Variants in MFHAS1 observed in about 807,000 individuals in gnomAD.
MFHAS1 encodes the protein multifunctional ROCO family signaling regulator 1.
A neutral mutation model predicts 70.4 loss-of-function variants in MFHAS1; 50 were observed. The observed-to-expected ratio is 0.71, with a 90% CI of 0.57 to 0.90. The LOEUF is 0.90. Among genes scored for constraint, MFHAS1 ranks in the 40% least tolerant of loss-of-function variants. MFHAS1 has a pLI of 0.00. For synonymous variants in MFHAS1, 952 were observed against 620.0 expected (o/e 1.54, Z -7.96); for missense variants, 1,795 against 1,347.6 (o/e 1.33, Z -5.20).
intron 1 of MFHAS1, among the ~76,000 whole-genome samples, chr8:8,818,640 A>G (rs116866654): frequency 2.6e-5 from 4 of 152,296 alleles, no homozygotes; most frequent in Admixed American, 6.5e-5. Flanking sequence ...AACTGACTTA[A>G]CCCTAGGCTT....
intron 1 of MFHAS1, among the ~76,000 whole-genome samples, chr8:8,884,873 AG>A (rs1809691656): frequency 6.6e-6 from 1 of 152,070 alleles, no homozygotes; most frequent in African/African-American, 2.4e-5. Context: ...TCATCACCTG[AG>A]CCCAAGAGGT....
intron 2 of MFHAS1, among the ~76,000 whole-genome samples, chr8:8,793,165 T>C (rs10103163): frequency 0.31 from 47,277 of 151,202 alleles, 8,381 homozygotes; most frequent in African/African-American, 0.47. Context: ...GAGTAAATCA[T>C]GTTGTTAAAA....
chr8:8,835,999 C>T (rs750100472), intron 1 of MFHAS1, among the ~76,000 whole-genome samples: 2 of 152,170 alleles, frequency 1.3e-5, no homozygotes, highest in Non-Finnish European at 2.9e-5. Context: ...CTATAGCCTG[C>T]GAAGCGAGAA....
At chr8:8,789,139 G>C (rs1348818249) in intron 2 of MFHAS1, among the ~76,000 whole-genome samples, 1 of 152,038 alleles carries the variant, frequency 6.6e-6, no homozygotes, top group Non-Finnish European at 1.5e-5. Context: ...TGGTGGCTGG[G>C]GGGGTTGGGC....
intron 1 of MFHAS1, among the ~76,000 whole-genome samples, chr8:8,857,972 G>A (rs1563206965): frequency 1.3e-5 from 2 of 152,124 alleles, no homozygotes; most frequent in African/African-American, 4.8e-5. Flanking sequence ...CTAAACAAAT[G>A]AGAAAATCCA....
chr8:8,786,868 A>G (rs1000942450), intron 2 of MFHAS1, among the ~76,000 whole-genome samples: 4 of 152,104 alleles, frequency 2.6e-5, no homozygotes, highest in Non-Finnish European at 5.9e-5. Context: ...TCCAGTCCAT[A>G]CAAGATTCAG....
At chr8:8,805,136 G>A (rs960946875) in intron 1 of MFHAS1, among the ~76,000 whole-genome samples, 3 of 152,178 alleles carry the variant, frequency 2.0e-5, no homozygotes, top group South Asian at 2.1e-4. Context: ...TTTGGTAAAC[G>A]TTCAACCACA....
intron 1 of MFHAS1, among the ~76,000 whole-genome samples, chr8:8,869,942 G>A (rs998409409): frequency 6.6e-6 from 1 of 152,074 alleles, no homozygotes; most frequent in African/African-American, 2.4e-5. Flanking sequence ...CCTCTAAGTG[G>A]TCCCTCTGAC....
chr8:8,793,256 A>G (rs1293067626), intron 2 of MFHAS1, among the ~76,000 whole-genome samples: 1 of 152,244 alleles, frequency 6.6e-6, no homozygotes, highest in Non-Finnish European at 1.5e-5. Context: ...ATTGTTTAAA[A>G]TAAGAAATAG....
intron 1 of MFHAS1, among the ~76,000 whole-genome samples, chr8:8,889,114 A>G (rs879449406): frequency 6.6e-6 from 1 of 152,158 alleles, no homozygotes; most frequent in South Asian, 2.1e-4. Flanking sequence ...AAGAAAACGA[A>G]AAAAAAGTCT....
intron 1 of MFHAS1, among the ~76,000 whole-genome samples, chr8:8,852,020 T>C (rs1474008825): frequency 1.3e-5 from 2 of 152,066 alleles, no homozygotes; most frequent in East Asian, 3.9e-4. Flanking sequence ...AAGCCCAGTT[T>C]TGGATACATA....
At chr8:8,847,080 G>C (rs892141117) in intron 1 of MFHAS1, among the ~76,000 whole-genome samples, 1 of 152,212 alleles carries the variant, frequency 6.6e-6, no homozygotes, top group Non-Finnish European at 1.5e-5. Context: ...AGATTTTTCA[G>C]AGGAATCACC....
chr8:8,819,608 CAAAAAAAA>C (rs201326485), intron 1 of MFHAS1, among the ~76,000 whole-genome samples: 107 of 91,258 alleles, frequency 1.2e-3, no homozygotes, highest in African/African-American at 3.8e-3. Flanking sequence ...CAACTCAAAA[CAAAAAAAA>C]AAAAAAAAAA....
intron 1 of MFHAS1, among the ~76,000 whole-genome samples, chr8:8,826,400 G>T (rs936439286): frequency 1.3e-5 from 2 of 152,096 alleles, no homozygotes; most frequent in African/African-American, 4.8e-5. Flanking sequence ...TTCCCTGAAG[G>T]TCTGGGTAGC....
chr8:8,847,016 A>ATGAG (rs1298817659), intron 1 of MFHAS1, among the ~76,000 whole-genome samples: 3 of 152,202 alleles, frequency 2.0e-5, no homozygotes, highest in Non-Finnish European at 4.4e-5. Context: ...GAATAAATGA[A>ATGAG]TGAGTGAATT....
intron 1 of MFHAS1, among the ~76,000 whole-genome samples, chr8:8,858,881 C>T (rs2116885938): frequency 6.6e-6 from 1 of 152,320 alleles, no homozygotes; most frequent in Admixed American, 6.5e-5. Flanking sequence ...AAGGATAAAG[C>T]ATTCTCAGTC....
At chr8:8,817,317 T>C (rs1396816241) in intron 1 of MFHAS1, among the ~76,000 whole-genome samples, 1 of 152,128 alleles carries the variant, frequency 6.6e-6, no homozygotes, top group Admixed American at 6.5e-5. Flanking sequence ...TTAAATTACC[T>C]CCAAGCTCTT....
Position 8,785,756 on chromosome 8 carries a change from T to A in MFHAS1, c.*266A>T. 2.8e-6 allele frequency: 1 copy of A among 356,380 alleles called. No homozygotes were observed. The highest frequency in any genetic ancestry group is 5.0e-6 in the Non-Finnish European group (1 of 198,748). The allele number at this position is 356,380 out of a possible 1,614,324, so 22.1% of individuals were successfully genotyped here. A position where few individuals can be genotyped will look rare whatever the true frequency, so the allele number is the denominator to read the frequency against. On this transcript the variant is annotated 3_prime_UTR_variant, in exon 3 of 3. Coordinates refer to ENST00000276282, the MANE Select transcript of MFHAS1 (RefSeq NM_004225.3). Reference sequence around the variant, plus strand: ...ATTCGACTTTTTTTTTTTTTTTTTCTTTTCTTCAAGTAGCGCGCTCCTTGG... The same window carrying A: ...ATTCGACTTTTTTTTTTTTTTTTTCATTTCTTCAAGTAGCGCGCTCCTTGG...
intron 1 of MFHAS1, among the ~76,000 whole-genome samples, chr8:8,884,186 A>G (rs374998230): frequency 6.6e-6 from 1 of 152,182 alleles, no homozygotes; most frequent in East Asian, 1.9e-4. Context: ...AGAGGCACCT[A>G]ATATTTAAAA....
Sources: gnomAD v4.1 joint callset for allele counts (sites outside exome capture counted in the v4.1 genomes callset) on GRCh38, gnomAD v4.1.1 for gene constraint, MANE v1.5 for transcripts, NCBI Gene and HGNC (gene_info 2026-07-23, HGNC 2026-07-21) for gene names.